Variants in SNTG1 observed in about 807,000 individuals in gnomAD.
SNTG1 encodes the protein gamma-1-syntrophin.
In SNTG1, 39 loss-of-function variants were observed where a neutral mutation model predicts 74.7. The observed-to-expected ratio is 0.52, with a 90% confidence interval of 0.40 to 0.68. The LOEUF (loss-of-function observed/expected upper bound fraction) is 0.68, where lower values mean the gene tolerates loss of function less well. Among genes scored for constraint, SNTG1 ranks in the 30% least tolerant of loss-of-function variants. The probability of loss-of-function intolerance (pLI) is 0.00; values close to 1 mark genes in which losing one functional copy is unlikely to be tolerated. For synonymous variants in SNTG1, 254 were observed against 217.1 expected (o/e 1.17, Z -1.49); for missense variants, 685 against 609.5 (o/e 1.12, Z -1.30).
intron 15 of SNTG1, among the ~76,000 whole-genome samples, chr8:50,693,540 A>G (rs559685434): frequency 3.0e-4 from 45 of 152,330 alleles, no homozygotes; most frequent in Non-Finnish European, 2.5e-4. Flanking sequence ...TAGAGGCTTC[A>G]ATATTGGACA....
At chr8:49,972,211 G>A (rs139846474) in intron 1 of SNTG1, among the ~76,000 whole-genome samples, 3,502 of 152,152 alleles carry the variant, frequency 0.023, 139 homozygotes, top group African/African-American at 0.078. Flanking sequence ...AAATAATGCC[G>A]CATATCTACA....
intron 1 of SNTG1, among the ~76,000 whole-genome samples, chr8:49,978,095 G>A (rs945252142): frequency 2.0e-5 from 3 of 152,212 alleles, no homozygotes; most frequent in Admixed American, 6.5e-5. Flanking sequence ...CCTAATGGAC[G>A]TTGGGATGTT....
intron 15 of SNTG1, among the ~76,000 whole-genome samples, chr8:50,667,226 AT>A (rs2095254952): frequency 6.6e-6 from 1 of 152,062 alleles, no homozygotes; most frequent in Non-Finnish European, 1.5e-5. Context: ...GTGAAGAATC[AT>A]TTTACGATAG....
intron 2 of SNTG1, among the ~76,000 whole-genome samples, chr8:50,317,881 G>A (rs1427214202): frequency 1.3e-5 from 2 of 151,972 alleles, no homozygotes; most frequent in African/African-American, 4.8e-5. Flanking sequence ...CTGTCGCCCA[G>A]GCTTGAGTGC....
intron 2 of SNTG1, among the ~76,000 whole-genome samples, chr8:50,320,130 C>T (rs75406600): frequency 0.067 from 10,263 of 152,184 alleles, 791 homozygotes; most frequent in African/African-American, 0.17. Flanking sequence ...GCAGTGAAGA[C>T]ATTGGGTTCT....
intron 2 of SNTG1, among the ~76,000 whole-genome samples, chr8:50,215,512 G>A (rs1179334842): frequency 6.7e-6 from 1 of 148,174 alleles, no homozygotes; most frequent in African/African-American, 2.5e-5. Flanking sequence ...ATAGATGAAA[G>A]GTTGAGATTA....
At chr8:50,411,663 A>G (rs982856655) in intron 4 of SNTG1, among the ~76,000 whole-genome samples, 2 of 152,026 alleles carry the variant, frequency 1.3e-5, no homozygotes, top group Non-Finnish European at 2.9e-5. Context: ...AATTGAAAAG[A>G]CAGTGCTGGA....
chr8:49,942,923 C>G (rs4873120), intron 1 of SNTG1, among the ~76,000 whole-genome samples: 15,192 of 152,180 alleles, frequency 0.1, 1,074 homozygotes, highest in South Asian at 0.2. Context: ...GGAAAATAGT[C>G]ACTATGAGGA....
chr8:50,391,877 A>T (rs1429747771), intron 2 of SNTG1, among the ~76,000 whole-genome samples: 1 of 152,148 alleles, frequency 6.6e-6, no homozygotes, highest in Admixed American at 6.6e-5. Flanking sequence ...ACACTATAAT[A>T]GTTAAAAAGA....
intron 15 of SNTG1, among the ~76,000 whole-genome samples, chr8:50,699,366 C>A (rs1284775322): frequency 6.6e-6 from 1 of 152,124 alleles, no homozygotes; most frequent in South Asian, 2.1e-4. Flanking sequence ...TGACTAACTA[C>A]CTAAACTTAG....
intron 1 of SNTG1, among the ~76,000 whole-genome samples, chr8:49,920,922 T>C (rs899868531): frequency 2.6e-5 from 4 of 152,212 alleles, no homozygotes; most frequent in Admixed American, 2.6e-4. Flanking sequence ...AATGAGATAG[T>C]GTTTTTGTGT....
intron 2 of SNTG1, among the ~76,000 whole-genome samples, chr8:50,266,013 C>T (rs1026358031): frequency 6.7e-6 from 1 of 150,138 alleles, no homozygotes; most frequent in African/African-American, 2.4e-5. Flanking sequence ...ATACTTTACA[C>T]ATTGATCTAC....
chr8:50,753,673 A>T (rs182183957), intron 18 of SNTG1, among the ~76,000 whole-genome samples: 2 of 151,914 alleles, frequency 1.3e-5, no homozygotes, highest in African/African-American at 4.8e-5. Context: ...AGCATTATTC[A>T]TTCTTGTAAT....
At chr8:50,487,602 C>A (rs141042485) in intron 8 of SNTG1, among the ~76,000 whole-genome samples, 2 of 150,734 alleles carry the variant, frequency 1.3e-5, no homozygotes, top group African/African-American at 2.4e-5. Context: ...AAACCAAACA[C>A]TGCATATTCT....
intron 2 of SNTG1, among the ~76,000 whole-genome samples, chr8:50,346,691 A>G (rs2091487814): frequency 6.6e-6 from 1 of 152,270 alleles, no homozygotes; most frequent in Non-Finnish European, 1.5e-5. Context: ...AATTAAAAAT[A>G]CTTCTCCAGT....
chr8:50,567,215 AAG>A (rs2094521032), intron 12 of SNTG1, among the ~76,000 whole-genome samples: 1 of 152,080 alleles, frequency 6.6e-6, no homozygotes, highest in African/African-American at 2.4e-5. Flanking sequence ...TCCTCTGTAA[AAG>A]AGACAGAGAG....
At chr8:50,554,060 T>A (rs2094441909) in intron 12 of SNTG1, among the ~76,000 whole-genome samples, 1 of 152,132 alleles carries the variant, frequency 6.6e-6, no homozygotes, top group African/African-American at 2.4e-5. Context: ...CACAAAATTG[T>A]TCTTATGTAA....
At chr8:50,285,832 G>A (rs1370688685) in intron 2 of SNTG1, among the ~76,000 whole-genome samples, 1 of 150,146 alleles carries the variant, frequency 6.7e-6, no homozygotes, top group Non-Finnish European at 1.5e-5. Context: ...AAAAAACAAA[G>A]GTGCTTATTA....
In SNTG1 at chr8:50,433,459, C is replaced by T. The variant is rs995518996; in HGVS notation, c.163-5084C>T. Among the ~76,000 whole-genome samples the T allele has an allele frequency of 4.8e-5, 7 of 147,082 alleles. No individual in the cohort carries two copies. In the Admixed American group the frequency reaches 4.8e-4, roughly 10 times the overall value. ...ATTACATTTCTCCCCCTTTTTACTA[C>T]ATTGCACCATGAGTTTTCTGTTTTT... On this transcript the variant is annotated intron_variant, in intron 4 of 18. Transcript: ENST00000642720.
Sources: allele counts gnomAD v4.1 joint callset (sites outside exome capture counted in the v4.1 genomes callset), GRCh38; gene constraint gnomAD v4.1.1; transcripts MANE v1.5; gene names NCBI Gene and HGNC (gene_info 2026-07-23, HGNC 2026-07-21).